Variants in FAM171A1 observed in about 807,000 individuals in gnomAD.
FAM171A1 encodes the protein family with sequence similarity 171 member A1.
Under a neutral mutation model 74.9 loss-of-function variants are expected in FAM171A1, and 23 were observed. The observed-to-expected ratio is 0.31, with a 90% CI of 0.22 to 0.44. The LOEUF (loss-of-function observed/expected upper bound fraction) is 0.44, where lower values mean the gene tolerates loss of function less well. Among genes scored for constraint, FAM171A1 ranks in the 20% least tolerant of loss-of-function variants. The pLI is 1.00. For synonymous variants in FAM171A1, 527 were observed against 505.7 expected (o/e 1.04, Z -0.57); for missense variants, 1,162 against 1,159.2 (o/e 1.00, Z -0.03).
chr10:15,338,572 G>A (rs571482874), intron 1 of FAM171A1, among the ~76,000 whole-genome samples: 1 of 152,302 alleles, frequency 6.6e-6, no homozygotes, highest in South Asian at 2.1e-4. Context: ...CAGGACATTT[G>A]TGAGGAATAT....
intron 1 of FAM171A1, among the ~76,000 whole-genome samples, chr10:15,287,064 C>T (rs1026460578): frequency 5.0e-4 from 76 of 151,290 alleles, no homozygotes; most frequent in African/African-American, 1.3e-3. Flanking sequence ...AGGATGTGCA[C>T]GACACATACA....
At chr10:15,263,035 G>A (rs1270274566) in intron 3 of FAM171A1, among the ~76,000 whole-genome samples, 1 of 152,228 alleles carries the variant, frequency 6.6e-6, no homozygotes, top group Non-Finnish European at 1.5e-5. Flanking sequence ...GCTTCCCACA[G>A]CAGCTGCCCG....
At chr10:15,281,865 T>TA (rs149348218) in intron 2 of FAM171A1, among the ~76,000 whole-genome samples, 4,804 of 151,720 alleles carry the variant, frequency 0.032, 105 homozygotes, top group Non-Finnish European at 0.047. Flanking sequence ...TCTCCAAAAA[T>TA]AAAAAAATAA....
chr10:15,331,179 G>A (rs1260782551), intron 1 of FAM171A1, among the ~76,000 whole-genome samples: 1 of 152,034 alleles, frequency 6.6e-6, no homozygotes, highest in Non-Finnish European at 1.5e-5. Flanking sequence ...GTGAGCCACC[G>A]CACCCGGCCT....
At chr10:15,219,928 A>G (rs565646317) in intron 6 of FAM171A1, among the ~76,000 whole-genome samples, 1 of 152,226 alleles carries the variant, frequency 6.6e-6, no homozygotes, top group African/African-American at 2.4e-5. Context: ...AAATTTTCTT[A>G]GTATGGTGAT....
intron 3 of FAM171A1, among the ~76,000 whole-genome samples, chr10:15,262,389 T>C (rs1485210635): frequency 1.3e-5 from 2 of 151,868 alleles, no homozygotes; most frequent in Admixed American, 6.6e-5. Context: ...ATTTTTGAAA[T>C]AAGAGATAGG....
chr10:15,306,204 A>C (rs913048220), intron 1 of FAM171A1, among the ~76,000 whole-genome samples: 30 of 152,272 alleles, frequency 2.0e-4, no homozygotes, highest in Non-Finnish European at 5.9e-5. Context: ...TTTAAGTTAC[A>C]GATTTCAATT....
At chr10:15,314,881 G>A (rs1014026440) in intron 1 of FAM171A1, among the ~76,000 whole-genome samples, 11 of 152,330 alleles carry the variant, frequency 7.2e-5, no homozygotes, top group African/African-American at 2.2e-4. Flanking sequence ...GCCTGCAGCC[G>A]CGGGGAGGAG....
chr10:15,220,848 G>A (rs778903178), intron 6 of FAM171A1, 96 bp downstream of exon 6: 8 of 828,450 alleles, frequency 9.7e-6, no homozygotes, highest in Admixed American at 7.0e-5. Context: ...AGATGTGATC[G>A]CCCTGCTGAA....
intron 3 of FAM171A1, among the ~76,000 whole-genome samples, chr10:15,259,734 T>C (rs1834631935): frequency 6.6e-6 from 1 of 151,974 alleles, no homozygotes; most frequent in South Asian, 2.1e-4. Context: ...TATCACACCA[T>C]GCCTACCTCA....
chr10:15,359,472 G>C (rs896599267), intron 1 of FAM171A1, among the ~76,000 whole-genome samples: 3 of 152,076 alleles, frequency 2.0e-5, no homozygotes, highest in African/African-American at 7.2e-5. Context: ...ACATCCTCAA[G>C]GGCAGAGAAA....
At chr10:15,373,903 A>C (rs1836176292), upstream of FAM171A1, among the ~76,000 whole-genome samples, 1 of 152,184 alleles carries the variant, frequency 6.6e-6, no homozygotes, top group Non-Finnish European at 1.5e-5. Context: ...AAGCTTGTCC[A>C]ACCTGCCTTA....
At chr10:15,271,628 G>C (rs1051241101) in intron 3 of FAM171A1, among the ~76,000 whole-genome samples, 10 of 152,234 alleles carry the variant, frequency 6.6e-5, no homozygotes, top group African/African-American at 2.4e-4. Flanking sequence ...AGGGCAGCCA[G>C]AGACAAAGGT....
intron 2 of FAM171A1, among the ~76,000 whole-genome samples, chr10:15,276,962 T>C (rs968803627): frequency 6.6e-6 from 1 of 152,148 alleles, no homozygotes; most frequent in Non-Finnish European, 1.5e-5. Context: ...CCTGGGATTA[T>C]AGGCTAGAGC....
chr10:15,330,920 C>A (rs1478004708), intron 1 of FAM171A1, among the ~76,000 whole-genome samples: 6 of 151,264 alleles, frequency 4.0e-5, no homozygotes, highest in Non-Finnish European at 8.9e-5. Context: ...ATGGAGTCCT[C>A]ACTGCATTGC....
At chr10:15,267,150 T>C (rs376381907) in intron 3 of FAM171A1, among the ~76,000 whole-genome samples, 1 of 152,142 alleles carries the variant, frequency 6.6e-6, no homozygotes, top group Admixed American at 6.5e-5. Flanking sequence ...GCTACTGCAG[T>C]GGTCTTGGTA....
chr10:15,273,572 T>C (rs1202157003), intron 3 of FAM171A1, among the ~76,000 whole-genome samples: 1 of 152,176 alleles, frequency 6.6e-6, no homozygotes, highest in South Asian at 2.1e-4. Flanking sequence ...TGCCAAAGCC[T>C]GGCAGAGACA....
intron 4 of FAM171A1, 104 bp from the exon 5 acceptor site, chr10:15,248,919 G>A: frequency 9.5e-7 from 1 of 1,047,288 alleles, no homozygotes; most frequent in Non-Finnish European, 1.4e-6. Context: ...CCTCCTATAT[G>A]CCAGGGACTG....
intron 1 of FAM171A1, among the ~76,000 whole-genome samples, chr10:15,369,211 T>TGAATATATATATATATATATATA (rs1564293884): frequency 1.4e-5 from 2 of 147,206 alleles, no homozygotes; most frequent in African/African-American, 5.0e-5. Context: ...ATATATATAT[T>TGAATATATATATATATATATATA]GAATATATAT....
Sources: gnomAD v4.1 joint callset for allele counts (sites outside exome capture counted in the v4.1 genomes callset) on GRCh38, gnomAD v4.1.1 for gene constraint, MANE v1.5 for transcripts, NCBI Gene and HGNC (gene_info 2026-07-23, HGNC 2026-07-21) for gene names.